CSNK1A1: variants seen among roughly 807,000 people sequenced by gnomAD.
The protein encoded by CSNK1A1 is casein kinase I isoform alpha.
Under a neutral mutation model 46.1 loss-of-function variants are expected in CSNK1A1, and 7 were observed. The observed-to-expected ratio is 0.15, with a 90% CI of 0.09 to 0.29. The LOEUF (loss-of-function observed/expected upper bound fraction) is 0.29. CSNK1A1 is among the 10% of genes least tolerant of loss of function. The probability of loss-of-function intolerance (pLI) is 1.00; values close to 1 mark genes in which losing one functional copy is unlikely to be tolerated. For synonymous variants in CSNK1A1, 137 were observed against 141.5 expected (o/e 0.97, Z 0.23); for missense variants, 96 against 417.1 (o/e 0.23, Z 6.71).
At chr5:149,531,767 A>T (rs1761907992) in intron 2 of CSNK1A1, among the ~76,000 whole-genome samples, 1 of 150,874 alleles carries the variant, frequency 6.6e-6, no homozygotes, top group Non-Finnish European at 1.5e-5. Flanking sequence ...GCTACTCAGG[A>T]GGCAGACGCT....
chr5:149,523,169 T>C (rs1159000986), intron 3 of CSNK1A1, among the ~76,000 whole-genome samples: 1 of 150,690 alleles, frequency 6.6e-6, no homozygotes, highest in East Asian at 2.0e-4. Context: ...GCCTCCCGGG[T>C]AGCTGGGATT....
intron 4 of CSNK1A1, 88 bp from the exon 5 acceptor site, chr5:149,513,297 A>T (rs1312829514): frequency 4.2e-6 from 5 of 1,193,194 alleles, no homozygotes; most frequent in Non-Finnish European, 5.8e-6. Context: ...TATTCTATGC[A>T]TTCAAATATA....
intron 6 of CSNK1A1, among the ~76,000 whole-genome samples, chr5:149,510,632 C>A (rs555450015): frequency 1.2e-4 from 19 of 152,102 alleles, no homozygotes; most frequent in Non-Finnish European, 2.4e-4. Flanking sequence ...GCATGTGACA[C>A]TACACCCTGC....
Position 149,496,788 on chromosome 5 carries a change from G to A in CSNK1A1, c.*65C>T. 2 of 1,540,264 alleles carry A rather than the reference G, an allele frequency of 1.3e-6. No individual in the cohort carries two copies. The highest frequency in any genetic ancestry group is 1.7e-6 in the Non-Finnish European group (2 of 1,145,340). On this transcript the variant is annotated 3_prime_UTR_variant, in exon 10 of 10. Transcript: ENST00000377843. ...GTGTACATATGAACTAAAATTTCTA[G>A]ATTTGGGGAGAAACAAATGCTGCTC...
rs560988754 is a variant in CSNK1A1 at position 149,547,215 on chromosome 5, G to A, written c.230+2860C>T. Among the ~76,000 whole-genome samples, 5 of 152,242 alleles carry A rather than the reference G, an allele frequency of 3.3e-5. No individual in the cohort carries two copies. The East Asian group carries it at 9.6e-4, about 29-fold the overall frequency. On this transcript the variant is annotated intron_variant, in intron 2 of 9. Coordinates refer to ENST00000377843, the MANE Select transcript of CSNK1A1 (RefSeq NM_001892.6). ...CAGGAAGCCTTAACTTGAAAGTCAG[G>A]TTAATCTGTTTAGCCTCACCCACAG...
At chr5:149,508,248 G>A (rs1761099229) in intron 7 of CSNK1A1, among the ~76,000 whole-genome samples, 1 of 152,130 alleles carries the variant, frequency 6.6e-6, no homozygotes, top group African/African-American at 2.4e-5. Context: ...GATATAAATT[G>A]GGTGACCACT....
intron 2 of CSNK1A1, among the ~76,000 whole-genome samples, chr5:149,530,315 T>A (rs1761854047): frequency 6.6e-6 from 1 of 151,962 alleles, no homozygotes; most frequent in African/African-American, 2.4e-5. Flanking sequence ...GCAAAAACAC[T>A]CCCTGCACTC....
chr5:149,506,979 C>T, intron 8 of CSNK1A1, 48 bp downstream of exon 8: 1 of 1,404,950 alleles, frequency 7.1e-7, no homozygotes, highest in Non-Finnish European at 9.9e-7. Context: ...TAAATTTAAC[C>T]AATTTCCCTC....
rs1760642546 is a variant in CSNK1A1, at chr5:149,495,935, T to C, written c.*918A>G. On this transcript the variant is annotated 3_prime_UTR_variant, in exon 10 of 10. Transcript: ENST00000377843. ...AAAAATTGGGGAGATTTTTATTTAA[T>C]AGTGAGTCAGCAAGGCATTTTTTGT... The C allele has an allele frequency of 6.6e-6, 1 of 152,580 alleles. No individual in the cohort carries two copies. Among genetic ancestry groups the C allele is most frequent in the Non-Finnish European group, 1.5e-5 (1 of 68,022 alleles). 9.5% of individuals were successfully genotyped at this position (152,580 alleles called of 1,614,324 possible). A position where few individuals can be genotyped will look rare whatever the true frequency, so the allele number is the denominator to read the frequency against.
At chr5:149,519,757 C>T (rs1761512022) in intron 4 of CSNK1A1, among the ~76,000 whole-genome samples, 1 of 152,178 alleles carries the variant, frequency 6.6e-6, no homozygotes, top group Non-Finnish European at 1.5e-5. Flanking sequence ...ACTTTTGAAG[C>T]AGGCCCAAAA....
rs554738443 is a variant in CSNK1A1, at chr5:149,540,727, A to G, written c.230+9348T>C. Among the ~76,000 whole-genome samples, 24 of 152,326 alleles carry G rather than the reference A, an allele frequency of 1.6e-4. No individual in the cohort carries two copies. In the East Asian group the frequency reaches 4.0e-3, roughly 26 times the overall value. The stretch of plus-strand genomic sequence containing the variant: ...GATGAGCAATGTGTGCATACAAAAA[A>G]AAAATCAAATAGTCCTTATCTCAAC... On this transcript the variant is annotated intron_variant, in intron 2 of 9. Transcript: ENST00000377843.
At position 149,496,941 on chromosome 5, in the gene CSNK1A1, T is replaced by C. The variant is rs1354263406; in HGVS notation, c.1007-81A>G. The C allele has an allele frequency of 3.3e-6, 5 of 1,518,454 alleles. No individual in the cohort carries two copies. In the African/African-American group the frequency reaches 4.2e-5, roughly 13 times the overall value. 94.1% of individuals were successfully genotyped at this position (1,518,454 alleles called of 1,614,324 possible). On this transcript the variant is annotated intron_variant, in intron 9 of 9. Coordinates refer to ENST00000377843, the MANE Select transcript of CSNK1A1 (RefSeq NM_001892.6). The stretch of plus-strand genomic sequence containing the variant: ...TTACACCCAAAATATGGAAATTGGG[T>C]GGAACTGAGCCAATAATTATAGTGG...
rs528543845 is a variant in CSNK1A1 at position 149,529,953 on chromosome 5, A to T, written c.231-4782T>A. Among the ~76,000 whole-genome samples, 20 of 152,302 alleles carry T rather than the reference A, an allele frequency of 1.3e-4. No homozygotes were observed. The South Asian group carries it at 3.9e-3, about 30-fold the overall frequency. Reference sequence around the variant, plus strand: ...AAAATGGGAGTATTTGAGAAAAAAAATACATATTTTTCATATAAAAATATT... The same window carrying T: ...AAAATGGGAGTATTTGAGAAAAAAATTACATATTTTTCATATAAAAATATT... On this transcript the variant is annotated intron_variant, in intron 2 of 9. Coordinates refer to ENST00000377843, the MANE Select transcript of CSNK1A1 (RefSeq NM_001892.6).
chr5:149,508,511 C>A (rs1265471479), intron 7 of CSNK1A1, among the ~76,000 whole-genome samples: 1 of 152,160 alleles, frequency 6.6e-6, no homozygotes, highest in East Asian at 1.9e-4. Context: ...ATATGGCCTT[C>A]TTTTTATGGA....
At chr5:149,529,157 A>G (rs916535935) in intron 2 of CSNK1A1, among the ~76,000 whole-genome samples, 13 of 152,216 alleles carry the variant, frequency 8.5e-5, no homozygotes, top group Non-Finnish European at 1.5e-5. Flanking sequence ...GAAAATAATA[A>G]TTTTAAAAAG....
At chr5:149,540,649 A>AAAAT (rs1185076259) in intron 2 of CSNK1A1, among the ~76,000 whole-genome samples, 1 of 152,322 alleles carries the variant, frequency 6.6e-6, no homozygotes, top group Admixed American at 6.5e-5. Flanking sequence ...ACAGACTTAA[A>AAAAT]AAATAAATAA....
intron 2 of CSNK1A1, chr5:149,549,202 G>A (rs1458645876): frequency 7.2e-6 from 3 of 414,254 alleles, no homozygotes; most frequent in African/African-American, 5.9e-5. Context: ...AAGTGATTAA[G>A]ATTTTTTTAA....
At chr5:149,521,247 T>C (rs930963323) in intron 3 of CSNK1A1, among the ~76,000 whole-genome samples, 8 of 151,702 alleles carry the variant, frequency 5.3e-5, no homozygotes, top group Non-Finnish European at 8.8e-5. Flanking sequence ...CACAATAGGC[T>C]GTAACAATTT....
chr5:149,501,050 G>T, intron 9 of CSNK1A1: 1 of 985,266 alleles, frequency 1.0e-6, no homozygotes, highest in Non-Finnish European at 1.2e-6. Context: ...GCTGGTAGAT[G>T]GTCTGCATTC....
Sources: gnomAD v4.1 joint callset for allele counts (sites outside exome capture counted in the v4.1 genomes callset) on GRCh38, gnomAD v4.1.1 for gene constraint, MANE v1.5 for transcripts, NCBI Gene and HGNC (gene_info 2026-07-23, HGNC 2026-07-21) for gene names.